GON4L: variants seen among roughly 807,000 people sequenced by gnomAD.
The protein encoded by GON4L is GON-4-like protein.
Under a neutral mutation model 211.8 loss-of-function variants are expected in GON4L, and 87 were observed. The ratio of observed to expected loss-of-function variants is 0.41; its 90% CI spans 0.35 to 0.49. The LOEUF is 0.49. Among genes scored for constraint, GON4L ranks in the 20% least tolerant of loss-of-function variants. The probability of loss-of-function intolerance (pLI) is 0.15; values close to 1 mark genes in which losing one functional copy is unlikely to be tolerated. For missense variants in GON4L, 2,155 were observed against 2,659.5 expected (o/e 0.81, Z 4.17); for synonymous variants, 875 against 962.6 (o/e 0.91, Z 1.68).
At chr1:155,841,283 C>T (rs776731378) in intron 2 of GON4L, among the ~76,000 whole-genome samples, 2 of 152,030 alleles carry the variant, frequency 1.3e-5, no homozygotes, top group African/African-American at 4.8e-5. Context: ...TATTCAATTC[C>T]TCCAGGCCCA....
Position 155,853,576 on chromosome 1 carries a change from T to G in GON4L, c.205A>C (p.Asn69His). The G allele has an allele frequency of 6.2e-7, 1 of 1,614,186 alleles. No individual in the cohort carries two copies. Among genetic ancestry groups the G allele is most frequent in the Non-Finnish European group, 8.5e-7 (1 of 1,180,012 alleles). Residue 69 changes from asparagine to histidine, a missense_variant, in exon 2 of 32, where the codon AAT becomes CAT. This residue lies in a region of GON4L where 313 missense variants were observed against 293.2 expected (regional missense o/e 1.07). Coordinates refer to ENST00000368331, the MANE Select transcript of GON4L (RefSeq NM_001282860.2). ...GATGTATCCTCCATACCAAGCTGAT[T>G]TCCTGCATCCTGCAAAGACTGTACT... The part of the protein sequence containing the change: ...FEVQSLQDAG[N>H]QLGMEDTSLS...
At chr1:155,771,304 CTT>C in intron 18 of GON4L, 87 bp from the exon 19 acceptor site, 3 of 1,577,078 alleles carry the variant, frequency 1.9e-6, no homozygotes, top group Non-Finnish European at 2.6e-6. Flanking sequence ...ACAATCTACT[CTT>C]TCATTTTTTT....
At chr1:155,747,030 G>A, downstream of GON4L, 5 of 1,603,180 alleles carry the variant, frequency 3.1e-6, no homozygotes, top group Non-Finnish European at 4.2e-6. Context: ...TGAACAGAAA[G>A]GAGGCTATGC....
Position 155,815,784 on chromosome 1 carries a change from TACCA to T in GON4L, c.1161+17_1161+20del, listed in dbSNP as rs1204075052. 1 of 1,208,882 alleles carries T rather than the reference TACCA, an allele frequency of 8.3e-7. No homozygotes were observed. The highest frequency in any genetic ancestry group is 1.9e-5 in the African/African-American group (1 of 51,938). The allele number at this position is 1,208,882 out of a possible 1,614,324, so 74.9% of individuals were successfully genotyped here. ...TACCCTGCTCTATTAAGACAAATAT[TACCA>T]ACTAACATTCACTGACCTCTTCAGC... is the stretch of plus-strand genomic sequence containing the variant. On this transcript the variant is annotated intron_variant, in intron 8 of 31. Coordinates refer to ENST00000368331, the MANE Select transcript of GON4L (RefSeq NM_001282860.2).
chr1:155,782,433 T>C (rs1664510008), intron 14 of GON4L, among the ~76,000 whole-genome samples: 1 of 152,194 alleles, frequency 6.6e-6, no homozygotes, highest in East Asian at 1.9e-4. Context: ...TAACATGCTA[T>C]ACAGGTTTGT....
intron 12 of GON4L, among the ~76,000 whole-genome samples, chr1:155,787,429 G>C (rs1050876525): frequency 6.6e-6 from 1 of 152,110 alleles, no homozygotes; most frequent in Non-Finnish European, 1.5e-5. Flanking sequence ...ACTATGTCTG[G>C]AGGACTGTGA....
chr1:155,809,061 C>T (rs764288501), intron 10 of GON4L, among the ~76,000 whole-genome samples: 3 of 151,972 alleles, frequency 2.0e-5, no homozygotes, highest in Admixed American at 6.6e-5. Context: ...TACAGGCATG[C>T]GCCACCACAC....
chr1:155,778,728 CCA>C (rs1664090083), intron 14 of GON4L, among the ~76,000 whole-genome samples: 1 of 152,116 alleles, frequency 6.6e-6, no homozygotes, highest in Non-Finnish European at 1.5e-5. Context: ...CCAACAGGCC[CCA>C]GTGTGTGTTG....
chr1:155,773,250 CA>C (rs1557846761), intron 17 of GON4L, 40 bp from the exon 18 acceptor site: 1 of 1,610,880 alleles, frequency 6.2e-7, no homozygotes, highest in East Asian at 2.2e-5. Flanking sequence ...ACTTCTAGGA[CA>C]AAAGAGGGCT....
chr1:155,761,497 ATTT>A (rs534585899), intron 23 of GON4L, among the ~76,000 whole-genome samples: 3 of 129,376 alleles, frequency 2.3e-5, no homozygotes, highest in Admixed American at 7.8e-5. Context: ...AGCCTGGTTC[ATTT>A]TTTTTTTTTT....
At chr1:155,850,190 G>A (rs1032887137) in intron 2 of GON4L, among the ~76,000 whole-genome samples, 2 of 152,030 alleles carry the variant, frequency 1.3e-5, no homozygotes, top group Non-Finnish European at 2.9e-5. Context: ...CTATGTGCAG[G>A]ACAATGTCCT....
intron 10 of GON4L, among the ~76,000 whole-genome samples, chr1:155,809,650 TTATAAATTATA>T (rs1667506350): frequency 1.7e-5 from 1 of 60,590 alleles, no homozygotes; most frequent in Non-Finnish European, 2.8e-5. Context: ...TTATATATAC[TTATAAATTATA>T]TACTTATATA....
rs150414594 is a variant in GON4L at position 155,832,367 on chromosome 1, C to T, written c.506-5339G>A. On this transcript the variant is annotated intron_variant, in intron 2 of 31. Transcript: ENST00000368331. ...GTATTGCCCGGCAAGGTGCGCCTAGCGCAGTGGCTCACACCGTAATCCCAG... is the reference window on the plus strand; with the variant it reads ...GTATTGCCCGGCAAGGTGCGCCTAGTGCAGTGGCTCACACCGTAATCCCAG... Among the ~76,000 whole-genome samples the T allele has an allele frequency of 7.0e-4, 106 of 151,620 alleles. 1 individual carries two copies. In the East Asian group the frequency reaches 0.018, roughly 25 times the overall value.
downstream of GON4L, among the ~76,000 whole-genome samples, chr1:155,745,563 A>G (rs403323): frequency 6.4e-4 from 98 of 152,244 alleles, no homozygotes; most frequent in East Asian, 3.3e-3. Flanking sequence ...CGGCGGAGAC[A>G]GCGCCCACCC....
At chr1:155,835,068 G>A (rs1397565798) in intron 2 of GON4L, among the ~76,000 whole-genome samples, 1 of 152,196 alleles carries the variant, frequency 6.6e-6, no homozygotes, top group Non-Finnish European at 1.5e-5. Flanking sequence ...TTGAGAAATT[G>A]GATGGTTGCC....
intron 1 of GON4L, among the ~76,000 whole-genome samples, chr1:155,856,339 G>A (rs1158097809): frequency 6.6e-6 from 1 of 151,910 alleles, no homozygotes; most frequent in Admixed American, 6.6e-5. Context: ...GTGACCCTCT[G>A]GCCTCGGCCT....
intron 11 of GON4L, among the ~76,000 whole-genome samples, chr1:155,802,662 T>G (rs1261177606): frequency 5.3e-5 from 8 of 152,202 alleles, no homozygotes; most frequent in African/African-American, 1.9e-4. Flanking sequence ...CTTCATTCAT[T>G]TACAATATAC....
chr1:155,785,334 A>C lies in GON4L; in HGVS notation c.1788T>G (p.Thr596=), dbSNP rs761445601. The change falls in exon 13 of 32, where the codon ACT becomes ACG. Residue 596 remains threonine, a splice_region_variant and synonymous_variant. Transcript: ENST00000368331. ...VNELMEELFE[T]FQDEMGFSNM... ...TTCTCACTCGAGGATCATTACTCAC[A>C]GTTTCAAACAGCTCTTCCATCAGCT... is the stretch of plus-strand genomic sequence containing the variant. 1.3e-6 allele frequency: 2 copies of C among 1,576,692 alleles called. No homozygotes were observed. Among genetic ancestry groups the C allele is most frequent in the South Asian group, 1.1e-5 (1 of 90,316 alleles).
chr1:155,770,582 C>A (rs1179637596), intron 19 of GON4L, among the ~76,000 whole-genome samples: 3 of 152,166 alleles, frequency 2.0e-5, no homozygotes, highest in Admixed American at 2.0e-4. Context: ...GGTGCGGTGG[C>A]TCATGCCTGT....
Sources: allele counts gnomAD v4.1 joint callset (sites outside exome capture counted in the v4.1 genomes callset), GRCh38; gene constraint gnomAD v4.1.1; regional missense constraint gnomAD v4.1.1; transcripts MANE v1.5; gene names NCBI Gene and HGNC (gene_info 2026-07-23, HGNC 2026-07-21).